The following SUPT3H variants were observed in gnomAD, a reference collection of about 807,000 sequenced individuals.
SUPT3H encodes the protein SPT3 homolog, SAGA and STAGA complex component.
In SUPT3H, 44 loss-of-function variants were observed where a neutral mutation model predicts 44.3. The observed-to-expected ratio is 0.99, with a 90% confidence interval of 0.78 to 1.28. SUPT3H has a LOEUF of 1.28. SUPT3H is among the 50% of genes most tolerant of loss of function. SUPT3H has a pLI of 0.00. For synonymous variants in SUPT3H, 124 were observed against 125.6 expected, an observed-to-expected ratio of 0.99 and a Z score of 0.09; for missense variants, 380 against 387.1, an observed-to-expected ratio of 0.98 and a Z score of 0.15.
At chr6:44,909,044 T>A (rs1766571346) in intron 10 of SUPT3H, among the ~76,000 whole-genome samples, 2 of 152,116 alleles carry the variant, frequency 1.3e-5, no homozygotes, top group African/African-American at 4.8e-5. Context: ...TGTATACACA[T>A]ATAGCTATAA....
chr6:45,216,038 G>A (rs115197227), intron 2 of SUPT3H, among the ~76,000 whole-genome samples: 1 of 151,960 alleles, frequency 6.6e-6, no homozygotes, highest in Non-Finnish European at 1.5e-5. Flanking sequence ...TGAAAAGTGT[G>A]GGGGGATGGG....
At chr6:44,940,450 CAT>C (rs1772214265) in intron 9 of SUPT3H, among the ~76,000 whole-genome samples, 1 of 152,016 alleles carries the variant, frequency 6.6e-6, no homozygotes, top group South Asian at 2.1e-4. Context: ...AGTGGCCTAA[CAT>C]GTGATATCTA....
At chr6:45,043,142 T>TACACACACACACACAC (rs59321114) in intron 3 of SUPT3H, among the ~76,000 whole-genome samples, 49 of 146,822 alleles carry the variant, frequency 3.3e-4, no homozygotes, top group East Asian at 1.4e-3. Context: ...CATACACACA[T>TACACACACACACACAC]ACACACACAC....
At chr6:45,131,141 C>T (rs1014201295) in intron 2 of SUPT3H, among the ~76,000 whole-genome samples, 1 of 152,102 alleles carries the variant, frequency 6.6e-6, no homozygotes, top group Non-Finnish European at 1.5e-5. Flanking sequence ...GCAAGGAGCT[C>T]AGTTTCCTCA....
Position 44,973,275 on chromosome 6 carries a change from C to T in SUPT3H, c.505-11447G>A, listed in dbSNP as rs140742457. 3.3e-3 allele frequency among the ~76,000 whole-genome samples: 509 copies of T among 152,286 alleles called. 3 individuals are homozygous for T. The highest frequency in any genetic ancestry group is 5.7e-3 in the Non-Finnish European group (388 of 68,032). ...AATCATCTCTCCCCAGTTCAAAGTT[C>T]CACAGACCTCTAGGGCAGGGAAAAA... On this transcript the variant is annotated intron_variant, in intron 6 of 10. Coordinates refer to ENST00000371459, the MANE Select transcript of SUPT3H (RefSeq NM_003599.4).
At chr6:44,975,007 C>A (rs1778120046) in intron 6 of SUPT3H, among the ~76,000 whole-genome samples, 1 of 152,038 alleles carries the variant, frequency 6.6e-6, no homozygotes. Flanking sequence ...CCCGTCTCTA[C>A]TAAAAATACA....
At chr6:45,164,147 G>C (rs1220534727) in intron 2 of SUPT3H, among the ~76,000 whole-genome samples, 1 of 152,130 alleles carries the variant, frequency 6.6e-6, no homozygotes, top group African/African-American at 2.4e-5. Flanking sequence ...CAGAGCTGTG[G>C]GGGGCAGTGC....
chr6:44,908,729 G>A (rs912955343), intron 10 of SUPT3H, among the ~76,000 whole-genome samples: 4 of 152,030 alleles, frequency 2.6e-5, no homozygotes, highest in African/African-American at 7.2e-5. Flanking sequence ...ACTGTGGAAA[G>A]GTAGGTATAT....
chr6:45,261,343 A>T (rs1226388720), intron 2 of SUPT3H, among the ~76,000 whole-genome samples: 1 of 152,182 alleles, frequency 6.6e-6, no homozygotes, highest in African/African-American at 2.4e-5. Context: ...AGCAAACTGA[A>T]TCCAGAGGCA....
chr6:45,115,461 T>C (rs539964915), intron 2 of SUPT3H, among the ~76,000 whole-genome samples: 5 of 152,184 alleles, frequency 3.3e-5, no homozygotes, highest in Admixed American at 6.5e-5. Context: ...CATGTTACCA[T>C]ACTAAACACT....
intron 6 of SUPT3H, 77 bp from the exon 7 acceptor site, chr6:44,961,905 T>C: frequency 1.8e-6 from 2 of 1,115,594 alleles, no homozygotes; most frequent in Non-Finnish European, 2.6e-6. Flanking sequence ...AACTTAGAAT[T>C]GAAGTACCAT....
rs1352905486 is a variant in SUPT3H, at chr6:45,243,185, G to A, written c.101+122016C>T. 2.4e-3 allele frequency among the ~76,000 whole-genome samples: 240 copies of A among 98,148 alleles called. 1 individual carries two copies. Among genetic ancestry groups the A allele is most frequent in the African/African-American group, 9.6e-3 (225 of 23,366 alleles). 64.4% of individuals were successfully genotyped at this position (98,148 alleles called of 152,430 possible). On this transcript the variant is annotated intron_variant, in intron 2 of 10. Transcript: ENST00000371459. ...TGCACTCCAGCCTGGGAAACAGAGC[G>A]AGACTCCTTCTCAAAAAAAAAAAAA...
chr6:45,063,833 T>C (rs995761368), intron 3 of SUPT3H, among the ~76,000 whole-genome samples: 6 of 142,126 alleles, frequency 4.2e-5, no homozygotes, highest in Admixed American at 7.2e-5. Context: ...CTACGTCTGA[T>C]TGGTGTACCT....
intron 10 of SUPT3H, among the ~76,000 whole-genome samples, chr6:44,864,205 TA>T (rs1304051137): frequency 6.6e-6 from 1 of 152,230 alleles, no homozygotes; most frequent in Admixed American, 6.5e-5. Context: ...TATGAGCCTG[TA>T]AAATCAAAAG....
At chr6:44,835,371 T>C (rs1769644531) in intron 10 of SUPT3H, among the ~76,000 whole-genome samples, 1 of 152,160 alleles carries the variant, frequency 6.6e-6, no homozygotes, top group South Asian at 2.1e-4. Context: ...GTCTCTAGGA[T>C]GATCTGTGGG....
intron 2 of SUPT3H, among the ~76,000 whole-genome samples, chr6:45,335,826 AT>A (rs552609101): frequency 3.3e-5 from 5 of 151,286 alleles, no homozygotes; most frequent in Non-Finnish European, 7.4e-5. Context: ...AATAAGATTA[AT>A]TTTTTTACCT....
chr6:45,374,635 G>A (rs562307461), intron 1 of SUPT3H, among the ~76,000 whole-genome samples: 9 of 151,962 alleles, frequency 5.9e-5, no homozygotes, highest in South Asian at 4.2e-4. Context: ...GATTTCTGAC[G>A]GATTTCACTA....
intron 2 of SUPT3H, among the ~76,000 whole-genome samples, chr6:45,315,210 C>A (rs980528132): frequency 1.3e-5 from 2 of 152,204 alleles, no homozygotes; most frequent in South Asian, 4.2e-4. Flanking sequence ...AAAAACCCTT[C>A]TAGACATTGC....
At chr6:44,901,101 T>A (rs944043945) in intron 10 of SUPT3H, among the ~76,000 whole-genome samples, 18 of 151,938 alleles carry the variant, frequency 1.2e-4, no homozygotes, top group African/African-American at 4.1e-4. Flanking sequence ...CTGGAAACTC[T>A]AAAAATCAGA....
Sources: gnomAD v4.1 joint callset for allele counts (sites outside exome capture counted in the v4.1 genomes callset) on GRCh38, gnomAD v4.1.1 for gene constraint, MANE v1.5 for transcripts, NCBI Gene and HGNC (gene_info 2026-07-23, HGNC 2026-07-21) for gene names.